The following ELF3 variants were observed in gnomAD, a reference collection of about 807,000 sequenced individuals.
ELF3 encodes E74 like ETS transcription factor 3.
Under a neutral mutation model 43.9 loss-of-function variants are expected in ELF3, and 18 were observed. The ratio of observed to expected loss-of-function variants is 0.41; its 90% confidence interval spans 0.28 to 0.61. ELF3 has a LOEUF of 0.61. ELF3 is among the 20% of genes least tolerant of loss of function. The pLI is 0.30. For missense variants in ELF3, 373 were observed against 487.7 expected, an observed-to-expected ratio of 0.76 and a Z score of 2.21; for synonymous variants, 181 against 190.2, an observed-to-expected ratio of 0.95 and a Z score of 0.40.
rs1684176827 is a variant in ELF3, at chr1:202,010,854, A to G, written c.-9+148A>G. On this transcript the variant is annotated intron_variant, in intron 1 of 8. Transcript: ENST00000367284. This position sits in a 1 kb window ranked among gnomAD's most constrained non-coding sequence, Gnocchi z 4.3. ...CCTGAGGGTCAAAGAACAGAGAGAG[A>G]TTGTCTCTGGGAAGGCAGAATGGCC... 7.0e-6 allele frequency: 3 copies of G among 430,884 alleles called. No individual in the cohort carries two copies. In the East Asian group the frequency reaches 1.5e-4, roughly 22 times the overall value. The allele number at this position is 430,884 out of a possible 1,614,324, so 26.7% of individuals were successfully genotyped here. A position where few individuals can be genotyped will look rare whatever the true frequency, so the allele number is the denominator to read the frequency against.
In ELF3 at chr1:202,010,665, C is replaced by CGCCTGCCG; in HGVS notation, c.-42_-35dup. 1 of 162,006 alleles carries CGCCTGCCG rather than the reference C, an allele frequency of 6.2e-6. No individual in the cohort carries two copies. Among genetic ancestry groups the CGCCTGCCG allele is most frequent in the Middle Eastern group, 3.2e-3 (1 of 316 alleles). 10.0% of individuals were successfully genotyped at this position (162,006 alleles called of 1,614,324 possible). On this transcript the variant is annotated 5_prime_UTR_variant, in exon 1 of 9. Transcript: ENST00000367284. This position sits in a 1 kb window ranked among gnomAD's most constrained non-coding sequence, Gnocchi z 4.3. ...ACCTGGCGGAACTGGATTTCTCTCC[C>CGCCTGCCG]GCCTGCCGGCCTGCCTGCCACAGCC...
intron 8 of ELF3, among the ~76,000 whole-genome samples, chr1:202,014,668 C>A (rs1390498187): frequency 6.6e-6 from 1 of 152,032 alleles, no homozygotes; most frequent in African/African-American, 2.4e-5. Context: ...AGTGCAGTGG[C>A]ACAATCTTGG....
rs751264235 is a variant in ELF3, at chr1:202,012,701, C to T, written c.540C>T (p.His180=). The T allele has an allele frequency of 1.9e-6, 3 of 1,608,328 alleles. No homozygotes were observed. Among genetic ancestry groups the T allele is most frequent in the Admixed American group, 1.7e-5 (1 of 59,500 alleles). ...ACGGTCAGCAAGCCAGCCCCTACCA[C>T]CCCGGCAGCTGTGGCGCAGGAGCCC... is the stretch of plus-strand genomic sequence containing the variant. ...LDDGQQASPY[H]PGSCGAGAPS... is the part of the protein sequence containing the mutation. The change falls in exon 5 of 9, where the codon CAC becomes CAT. Residue 180 remains histidine (H), a synonymous_variant. Transcript: ENST00000367284. This position sits in a 1 kb window ranked among gnomAD's most constrained non-coding sequence, Gnocchi z 4.2.
rs577036691 is a variant in ELF3, at chr1:202,012,938, G to T, written c.599-9G>T. The T allele has an allele frequency of 1.2e-6, 2 of 1,604,616 alleles. No individual in the cohort carries two copies. Among genetic ancestry groups the T allele is most frequent in the Admixed American group, 1.7e-5 (1 of 58,816 alleles). ...CCGGCAGGGGACTTACTCTGACCCC[G>T]CCCCCCAGGGACTGGTGCTTCTCGG... On this transcript the variant is annotated splice_polypyrimidine_tract_variant and intron_variant, in intron 5 of 8. Transcript: ENST00000367284. This position sits in a 1 kb window ranked among gnomAD's most constrained non-coding sequence, Gnocchi z 4.2.
Position 202,013,351 on chromosome 1 carries a change from G to C in ELF3, c.805+53G>C. On this transcript the variant is annotated intron_variant, in intron 7 of 8. Coordinates refer to ENST00000367284, the MANE Select transcript of ELF3 (RefSeq NM_004433.5). The surrounding 1 kb of genome is among the most constrained non-coding windows in gnomAD (Gnocchi z 5.7). ...CCTGCGCCGGGCTGAGCGGCTTCCT[G>C]GGGCACTGCGGGTTGTTGCAGGTAT... 1 of 1,558,510 alleles carries C rather than the reference G, an allele frequency of 6.4e-7. No homozygotes were observed. The highest frequency in any genetic ancestry group is 8.8e-7 in the Non-Finnish European group (1 of 1,136,552).
At position 202,013,050 on chromosome 1, in the gene ELF3, G is replaced by A; in HGVS notation, c.688+14G>A. On this transcript the variant is annotated intron_variant, in intron 6 of 8. Transcript: ENST00000367284. The surrounding 1 kb of genome is among the most constrained non-coding windows in gnomAD (Gnocchi z 5.7). ...TCTTCCCCAGCGGTGAGTCGAGGGA[G>A]GTCCCCAAGAGGGCGTCCCATTTAG... 1 of 1,610,162 alleles carries A rather than the reference G, an allele frequency of 6.2e-7. No individual in the cohort carries two copies. The highest frequency in any genetic ancestry group is 8.5e-7 in the Non-Finnish European group (1 of 1,178,070).
In ELF3 at chr1:202,011,302, G is replaced by A. The variant is rs879053954; in HGVS notation, c.163+3G>A. 1 of 1,563,712 alleles carries A rather than the reference G, an allele frequency of 6.4e-7. No individual in the cohort carries two copies. Among genetic ancestry groups the A allele is most frequent in the Non-Finnish European group, 8.7e-7 (1 of 1,153,302 alleles). Reference sequence around the variant, plus strand: ...CCAGATGTCATTGGAGGGTACAGGTGGGTCTCAGCGGGGTGGGATGGGGCA... The same window carrying A: ...CCAGATGTCATTGGAGGGTACAGGTAGGTCTCAGCGGGGTGGGATGGGGCA... On this transcript the variant is annotated splice_donor_region_variant and intron_variant, in intron 2 of 8. Coordinates refer to ENST00000367284, the MANE Select transcript of ELF3 (RefSeq NM_004433.5).
rs1684321284 is a variant in ELF3 at position 202,016,960 on chromosome 1, C to G, written c.*1637C>G. The G allele has an allele frequency of 6.6e-6, 1 of 152,204 alleles. No individual in the cohort carries two copies. Among genetic ancestry groups the G allele is most frequent in the South Asian group, 2.1e-4 (1 of 4,834 alleles). 9.4% of individuals were successfully genotyped at this position (152,204 alleles called of 1,614,324 possible). On this transcript the variant is annotated 3_prime_UTR_variant, in exon 9 of 9. Coordinates refer to ENST00000367284, the MANE Select transcript of ELF3 (RefSeq NM_004433.5). ...TCCTCAATCGATTCCAGAACTATTA[C>G]TCTGTTTCCACAGTGATACTGTGTC...
chr1:202,011,296 A>T lies in ELF3; in HGVS notation c.160A>T (p.Thr54Ser), dbSNP rs780362832. ...CAACCCCCAGATGTCATTGGAGGGT[A>T]CAGGTGGGTCTCAGCGGGGTGGGAT... Reference protein sequence around the residue: ...LSNPQMSLEGTEKASWLGEQP... With the variant: ...LSNPQMSLEGSEKASWLGEQP... Residue 54 changes from threonine (T) to serine (S), a missense_variant, in exon 2 of 9, where the codon ACA becomes TCA. Physicochemically the swap from Thr to Ser is moderately conservative, Grantham distance 58. Around this residue, in one of 3 missense-constraint regions of ELF3, gnomAD observed 311 missense variants for 351.2 expected, o/e 0.89. Transcript: ENST00000367284. 6.3e-7 allele frequency: 1 copy of T among 1,579,002 alleles called. No homozygotes were observed. The highest frequency in any genetic ancestry group is 1.2e-5 in the South Asian group (1 of 86,388).
rs1309793999 is a variant in ELF3, at chr1:202,015,227, G to A, written c.1020G>A (p.Glu340=). ...CACCCAGGTACTACTACAAACGGGA[G>A]ATCCTGGAACGGGTGGATGGCCGGC... The part of the protein sequence containing the change: ...SRAMRYYYKR[E]ILERVDGRRL... The change falls in exon 9 of 9, where the codon GAG becomes GAA. Residue 340 remains glutamate (E), a synonymous_variant. Coordinates refer to ENST00000367284, the MANE Select transcript of ELF3 (RefSeq NM_004433.5). 6.2e-7 allele frequency: 1 copy of A among 1,614,102 alleles called. No homozygotes were observed. The highest frequency in any genetic ancestry group is 8.5e-7 in the Non-Finnish European group (1 of 1,180,030).
At chr1:202,011,028 G>A (rs749825842) in intron 1 of ELF3, 101 bp from the exon 2 acceptor site, 67 of 1,335,148 alleles carry the variant, frequency 5.0e-5, no homozygotes, top group Non-Finnish European at 6.8e-5. Flanking sequence ...TGCCCCTGGG[G>A]GCTACTCTTG....
In ELF3 at chr1:202,012,445, C is replaced by A. The variant is rs775868202; in HGVS notation, c.478+9C>A. On this transcript the variant is annotated intron_variant, in intron 4 of 8. Transcript: ENST00000367284. This position sits in a 1 kb window ranked among gnomAD's most constrained non-coding sequence, Gnocchi z 4.2. ...AGACCCAGGGCCCTTTGGTGAGAAC[C>A]CGTTTTCTCCTTCCTTCCCCAGCCT... 7.4e-6 allele frequency: 12 copies of A among 1,613,232 alleles called. No individual in the cohort carries two copies. The African/African-American group carries it at 1.3e-4, about 18-fold the overall frequency.
Position 202,013,753 on chromosome 1 carries a change from T to C in ELF3, c.806-76T>C, listed in dbSNP as rs917218694. On this transcript the variant is annotated intron_variant, in intron 7 of 8. Coordinates refer to ENST00000367284, the MANE Select transcript of ELF3 (RefSeq NM_004433.5). This position sits in a 1 kb window ranked among gnomAD's most constrained non-coding sequence, Gnocchi z 5.7. ...TGCTGTGGCCAAGTCAGCAGTGCAC[T>C]GGGGCGGGCAGGGCTGGCTGGCCTT... is the stretch of plus-strand genomic sequence containing the variant. The C allele has an allele frequency of 6.7e-7, 1 of 1,502,410 alleles. No homozygotes were observed. The allele number at this position is 1,502,410 out of a possible 1,614,324, so 93.1% of individuals were successfully genotyped here.
In ELF3 at chr1:202,012,314, G is replaced by A. The variant is rs1485968435; in HGVS notation, c.386-30G>A. On this transcript the variant is annotated intron_variant, in intron 3 of 8. Coordinates refer to ENST00000367284, the MANE Select transcript of ELF3 (RefSeq NM_004433.5). The surrounding 1 kb of genome is among the most constrained non-coding windows in gnomAD (Gnocchi z 4.2). ...AGAGCCCTTGAGGGAGGGATTAGGG[G>A]AGTGTGACCCTTCCTTCCTTCCTTG... is the stretch of plus-strand genomic sequence containing the variant. The A allele has an allele frequency of 6.2e-6, 10 of 1,612,742 alleles. No individual in the cohort carries two copies. Among genetic ancestry groups the A allele is most frequent in the South Asian group, 4.4e-5 (4 of 90,928 alleles).
chr1:202,011,413 C>T, intron 2 of ELF3, 114 bp downstream of exon 2: 5 of 1,342,118 alleles, frequency 3.7e-6, no homozygotes, highest in Non-Finnish European at 5.0e-6. Flanking sequence ...AATTCCAGGG[C>T]TAGAGGCTGA....
Position 202,013,439 on chromosome 1 carries a change from C to T in ELF3, c.805+141C>T. On this transcript the variant is annotated intron_variant, in intron 7 of 8. Coordinates refer to ENST00000367284, the MANE Select transcript of ELF3 (RefSeq NM_004433.5). This position sits in a 1 kb window ranked among gnomAD's most constrained non-coding sequence, Gnocchi z 5.7. Reference sequence around the variant, plus strand: ...GGTAAGGCTGTGCACAAGCTGGGGGCTCTATGGTATCGGTCACCACCTAAT... The same window carrying T: ...GGTAAGGCTGTGCACAAGCTGGGGGTTCTATGGTATCGGTCACCACCTAAT... 3.5e-6 allele frequency: 3 copies of T among 855,054 alleles called. No homozygotes were observed. Among genetic ancestry groups the T allele is most frequent in the Non-Finnish European group, 5.5e-6 (3 of 541,306 alleles). The allele number at this position is 855,054 out of a possible 1,614,324, so 53.0% of individuals were successfully genotyped here.
At position 202,013,448 on chromosome 1, in the gene ELF3, A is replaced by G; in HGVS notation, c.805+150A>G. The G allele has an allele frequency of 1.3e-6, 1 of 795,732 alleles. No individual in the cohort carries two copies. The highest frequency in any genetic ancestry group is 2.0e-6 in the Non-Finnish European group (1 of 493,528). The allele number at this position is 795,732 out of a possible 1,614,324, so 49.3% of individuals were successfully genotyped here. On this transcript the variant is annotated intron_variant, in intron 7 of 8. Coordinates refer to ENST00000367284, the MANE Select transcript of ELF3 (RefSeq NM_004433.5). The surrounding 1 kb of genome is among the most constrained non-coding windows in gnomAD (Gnocchi z 5.7). ...GTGCACAAGCTGGGGGCTCTATGGTATCGGTCACCACCTAATTGCAGAGCC... is the reference window on the plus strand; with the variant it reads ...GTGCACAAGCTGGGGGCTCTATGGTGTCGGTCACCACCTAATTGCAGAGCC...
intron 8 of ELF3, 38 bp from the exon 9 acceptor site, chr1:202,015,171 C>T (rs979208139): frequency 2.5e-6 from 4 of 1,610,976 alleles, no homozygotes; most frequent in Non-Finnish European, 3.4e-6. Flanking sequence ...GGCCCATTTC[C>T]TGCCAAAGCA....
In ELF3 at chr1:202,015,773, G is replaced by C. The variant is rs911280639; in HGVS notation, c.*450G>C. ...TCCCTGCTCAGTGCTTGGGCTCCACGGGCAGGGGTCAGAGCACTCCCTAAT... is the reference window on the plus strand; with the variant it reads ...TCCCTGCTCAGTGCTTGGGCTCCACCGGCAGGGGTCAGAGCACTCCCTAAT... On this transcript the variant is annotated 3_prime_UTR_variant, in exon 9 of 9. Coordinates refer to ENST00000367284, the MANE Select transcript of ELF3 (RefSeq NM_004433.5). 1 of 183,596 alleles carries C rather than the reference G, an allele frequency of 5.4e-6. No individual in the cohort carries two copies. The highest frequency in any genetic ancestry group is 1.2e-5 in the Non-Finnish European group (1 of 85,256). The allele number at this position is 183,596 out of a possible 1,614,324, so 11.4% of individuals were successfully genotyped here.
Sources: allele counts gnomAD v4.1 joint callset (sites outside exome capture counted in the v4.1 genomes callset), GRCh38; gene constraint gnomAD v4.1.1; regional missense constraint gnomAD v4.1.1; non-coding constraint Gnocchi (gnomAD v3.1); transcripts MANE v1.5; gene names NCBI Gene and HGNC (gene_info 2026-07-23, HGNC 2026-07-21).